Variants in MICU1 observed in about 807,000 individuals in gnomAD.
MICU1 encodes calcium uptake protein 1, mitochondrial.
A neutral mutation model predicts 56.8 loss-of-function variants in MICU1; 45 were observed. That is an observed-to-expected ratio of 0.79 (90% CI 0.62 to 1.02). MICU1 has a LOEUF of 1.02. Among genes scored for constraint, MICU1 ranks in the 50% least tolerant of loss-of-function variants. MICU1 has a pLI of 0.00. For missense variants in MICU1, 504 were observed against 587.1 expected, an observed-to-expected ratio of 0.86 and a Z score of 1.46; for synonymous variants, 186 against 195.1, an observed-to-expected ratio of 0.95 and a Z score of 0.39.
chr10:72,430,511 A>C (rs1864491044), intron 8 of MICU1, among the ~76,000 whole-genome samples: 1 of 152,196 alleles, frequency 6.6e-6, no homozygotes, highest in Non-Finnish European at 1.5e-5. Flanking sequence ...GAAAGGAAGC[A>C]TCGGCACTCC....
chr10:72,373,493 C>T (rs1862415101), intron 11 of MICU1, among the ~76,000 whole-genome samples: 1 of 152,080 alleles, frequency 6.6e-6, no homozygotes, highest in Non-Finnish European at 1.5e-5. Context: ...GGCATTTTGA[C>T]CTAAGATCTT....
chr10:72,474,966 T>C, intron 8 of MICU1, 134 bp downstream of exon 8: 2 of 709,156 alleles, frequency 2.8e-6, no homozygotes, highest in Non-Finnish European at 4.5e-6. Flanking sequence ...TGCTGTCAGT[T>C]TATAAAGCAC....
chr10:72,493,228 C>T (rs1370554355), intron 6 of MICU1, among the ~76,000 whole-genome samples: 1 of 152,166 alleles, frequency 6.6e-6, no homozygotes, highest in African/African-American at 2.4e-5. Flanking sequence ...CACACATACA[C>T]ACACAATTTT....
chr10:72,415,084 T>C (rs1863942736), intron 9 of MICU1, among the ~76,000 whole-genome samples: 2 of 151,106 alleles, frequency 1.3e-5, no homozygotes, highest in Admixed American at 1.3e-4. Flanking sequence ...GGAGCAATCT[T>C]GGCTCACTGC....
chr10:72,557,698 A>G (rs551366043), intron 3 of MICU1, among the ~76,000 whole-genome samples: 1 of 152,324 alleles, frequency 6.6e-6, no homozygotes, highest in South Asian at 2.1e-4. Context: ...AATAAACTAT[A>G]TATGTATATA....
At chr10:72,580,024 A>G (rs1369395361) in intron 1 of MICU1, among the ~76,000 whole-genome samples, 2 of 152,150 alleles carry the variant, frequency 1.3e-5, no homozygotes, top group Admixed American at 1.3e-4. Context: ...TTTCATTTAT[A>G]TGACAGATTT....
At chr10:72,537,528 C>T (rs921295322) in intron 4 of MICU1, among the ~76,000 whole-genome samples, 6 of 152,232 alleles carry the variant, frequency 3.9e-5, no homozygotes, top group South Asian at 4.1e-4. Flanking sequence ...GAGATGTTTC[C>T]TATGGTTTTT....
intron 10 of MICU1, among the ~76,000 whole-genome samples, chr10:72,387,794 T>C (rs993554015): frequency 2.1e-5 from 3 of 143,216 alleles, no homozygotes; most frequent in Admixed American, 7.0e-5. Context: ...AAGGATGATT[T>C]AAAAAAAAAA....
At chr10:72,509,787 C>A (rs1335376568) in intron 5 of MICU1, among the ~76,000 whole-genome samples, 5 of 151,978 alleles carry the variant, frequency 3.3e-5, no homozygotes, top group Non-Finnish European at 5.9e-5. Flanking sequence ...TGATCTTCTA[C>A]CAAGAGACTG....
chr10:72,423,493 G>T, intron 8 of MICU1, 122 bp from the exon 9 acceptor site: 2 of 1,192,352 alleles, frequency 1.7e-6, no homozygotes, highest in South Asian at 1.6e-5. Flanking sequence ...TATTTTTGAG[G>T]TACAATTCTC....
At chr10:72,426,616 C>T (rs1280908433) in intron 8 of MICU1, among the ~76,000 whole-genome samples, 1 of 151,524 alleles carries the variant, frequency 6.6e-6, no homozygotes, top group Admixed American at 6.6e-5. Flanking sequence ...GGGCTGTTCT[C>T]AAACCCTTGA....
chr10:72,412,677 C>A (rs1300339345), intron 9 of MICU1, among the ~76,000 whole-genome samples: 4 of 151,308 alleles, frequency 2.6e-5, no homozygotes, highest in African/African-American at 7.3e-5. Context: ...CATGGTGAAA[C>A]CCCGTCTCTA....
chr10:72,537,793 G>A (rs1839674195), intron 4 of MICU1, among the ~76,000 whole-genome samples: 1 of 152,100 alleles, frequency 6.6e-6, no homozygotes, highest in Admixed American at 6.5e-5. Context: ...CACACATACT[G>A]TTAAGAATAG....
At chr10:72,569,006 G>A (rs1418330161) in intron 1 of MICU1, among the ~76,000 whole-genome samples, 3 of 149,776 alleles carry the variant, frequency 2.0e-5, no homozygotes, top group Admixed American at 6.7e-5. Flanking sequence ...CATCCGCCTC[G>A]GCCTCCCAAA....
At chr10:72,606,340 C>T (rs1299338956) in intron 1 of MICU1, among the ~76,000 whole-genome samples, 1 of 151,480 alleles carries the variant, frequency 6.6e-6, no homozygotes, top group Non-Finnish European at 1.5e-5. Context: ...AGTGAAACCC[C>T]GTCTCTACTG....
intron 1 of MICU1, among the ~76,000 whole-genome samples, chr10:72,578,639 G>A (rs964544621): frequency 2.6e-5 from 4 of 151,680 alleles, no homozygotes; most frequent in African/African-American, 9.7e-5. Context: ...ACAGAGTCTC[G>A]CTTTGTCACC....
chr10:72,504,241 A>G (rs1288305334), intron 6 of MICU1, among the ~76,000 whole-genome samples: 4 of 152,248 alleles, frequency 2.6e-5, no homozygotes, highest in African/African-American at 7.2e-5. Context: ...ATAAAGCTAC[A>G]GTAACCAAAA....
At chr10:72,542,445 C>T (rs1839795914) in intron 4 of MICU1, among the ~76,000 whole-genome samples, 1 of 152,196 alleles carries the variant, frequency 6.6e-6, no homozygotes, top group Admixed American at 6.5e-5. Flanking sequence ...GCCTTGTTTG[C>T]TTAGCCTGCC....
At chr10:72,574,495 G>C (rs1469642538) in intron 1 of MICU1, among the ~76,000 whole-genome samples, 1 of 151,692 alleles carries the variant, frequency 6.6e-6, no homozygotes, top group African/African-American at 2.4e-5. Context: ...CTCCAGCCTG[G>C]GCAGCAAGAG....
Sources: allele counts gnomAD v4.1 joint callset (sites outside exome capture counted in the v4.1 genomes callset), GRCh38; gene constraint gnomAD v4.1.1; transcripts MANE v1.5; gene names NCBI Gene and HGNC (gene_info 2026-07-23, HGNC 2026-07-21).